SHANK1: variants seen among roughly 807,000 people sequenced by gnomAD.
SHANK1 encodes SH3 and multiple ankyrin repeat domains protein 1.
Under a neutral mutation model 165.6 loss-of-function variants are expected in SHANK1, and 35 were observed. The observed-to-expected ratio is 0.21, with a 90% CI of 0.16 to 0.28. The LOEUF is 0.28. SHANK1 is among the 10% of genes least tolerant of loss of function. The probability of loss-of-function intolerance (pLI) is 1.00; values close to 1 mark genes in which losing one functional copy is unlikely to be tolerated. For synonymous variants in SHANK1, 1,428 were observed against 1,384.8 expected (o/e 1.03, Z -0.69); for missense variants, 2,681 against 3,036.4 (o/e 0.88, Z 2.75).
Position 50,666,831 on chromosome 19 carries a change from C to A in SHANK1, c.5129G>T (p.Gly1710Val), listed in dbSNP as rs757401476. 1.3e-6 allele frequency: 2 copies of A among 1,551,516 alleles called. No individual in the cohort carries two copies. Among genetic ancestry groups the A allele is most frequent in the South Asian group, 1.2e-5 (1 of 84,186 alleles). Residue 1710 changes from glycine (G) to valine (V), a missense_variant, in exon 23 of 24, where the codon GGT becomes GTT. By Grantham distance (109) the Gly-to-Val change is moderately radical. Coordinates refer to ENST00000293441, the MANE Select transcript of SHANK1 (RefSeq NM_016148.5). ...LSAEGGGSAGGGGGAGAGVAS... is the reference protein window; with the variant it reads ...LSAEGGGSAGVGGGAGAGVAS... ...CACACCGGCCCCAGCCCCGCCCCCACCCCCTGCGCTGCCACCACCTTCGGC... is the reference window on the plus strand; with the variant it reads ...CACACCGGCCCCAGCCCCGCCCCCAACCCCTGCGCTGCCACCACCTTCGGC...
At position 50,696,983 on chromosome 19, in the gene SHANK1, C is replaced by T. The variant is rs562625993; in HGVS notation, c.1964+113G>A. The T allele has an allele frequency of 3.0e-4, 258 of 871,644 alleles. 1 individual carries two copies. The highest frequency in any genetic ancestry group is 4.0e-4 in the Non-Finnish European group (204 of 516,032). 54.0% of individuals were successfully genotyped at this position (871,644 alleles called of 1,614,324 possible). A position where few individuals can be genotyped will look rare whatever the true frequency, so the allele number is the denominator to read the frequency against. ...TGTCATGCACACCTACAGAGACACACGTTCACACACCAAGAAACCTCAGCT... is the reference window on the plus strand; with the variant it reads ...TGTCATGCACACCTACAGAGACACATGTTCACACACCAAGAAACCTCAGCT... On this transcript the variant is annotated intron_variant, in intron 15 of 23. Transcript: ENST00000293441.
intron 22 of SHANK1, among the ~76,000 whole-genome samples, chr19:50,671,446 G>A (rs1985789624): frequency 6.6e-6 from 1 of 151,452 alleles, no homozygotes; most frequent in African/African-American, 2.4e-5. Flanking sequence ...GCCTCCCAAA[G>A]TGCTGGGATT....
chr19:50,696,327 C>T (rs529281116), intron 15 of SHANK1, among the ~76,000 whole-genome samples: 3 of 152,236 alleles, frequency 2.0e-5, no homozygotes, highest in East Asian at 1.9e-4. Context: ...CAGGCAAACA[C>T]GCACAACGGT....
chr19:50,673,677 A>G (rs1364850228), intron 21 of SHANK1, among the ~76,000 whole-genome samples: 1 of 152,130 alleles, frequency 6.6e-6, no homozygotes, highest in Non-Finnish European at 1.5e-5. Context: ...TCGCACCTAC[A>G]GTGTCTAGGG....
At position 50,668,489 on chromosome 19, in the gene SHANK1, G is replaced by A. The variant is rs751546473; in HGVS notation, c.3471C>T (p.Thr1157=). The change falls in exon 23 of 24, where the codon ACC becomes ACT. Residue 1157 remains threonine, a synonymous_variant. Coordinates refer to ENST00000293441, the MANE Select transcript of SHANK1 (RefSeq NM_016148.5). ...TGGTGGACGGGGCCTTGATGATGAT[G>A]GTGGGGATGGGGATGGAGTTCTTCT... ...PSEKNSIPIP[T]IIIKAPSTSS... 3.0e-6 allele frequency: 4 copies of A among 1,346,666 alleles called. No individual in the cohort carries two copies. The Admixed American group carries it at 1.2e-4, about 42-fold the overall frequency. 83.4% of individuals were successfully genotyped at this position (1,346,666 alleles called of 1,614,324 possible).
Position 50,700,876 on chromosome 19 carries a change from C to T in SHANK1, c.1747+1591G>A, listed in dbSNP as rs551760879. 1.8e-3 allele frequency among the ~76,000 whole-genome samples: 273 copies of T among 152,218 alleles called. 1 individual carries two copies. The highest frequency in any genetic ancestry group is 0.014 in the Middle Eastern group (4 of 294). ...CCCTGAAGGAGCTGCACCTGGCCCC[C>T]ACAGTAGCTCCTGAATTTGATCATT... On this transcript the variant is annotated intron_variant, in intron 12 of 23. Transcript: ENST00000293441.
In SHANK1 at chr19:50,686,206, T is replaced by G; in HGVS notation, c.2577+31A>C. ...GTTGGTGTGTGAACCGCCTCCCCCC[T>G]GGCAGTTCCTCCCCACACCAGGCCG... On this transcript the variant is annotated intron_variant, in intron 21 of 23. Transcript: ENST00000293441. The surrounding 1 kb of genome is among the most constrained non-coding windows in gnomAD (Gnocchi z 5.7). The G allele has an allele frequency of 7.5e-7, 1 of 1,337,364 alleles. No homozygotes were observed. Among genetic ancestry groups the G allele is most frequent in the South Asian group, 1.3e-5 (1 of 75,360 alleles). 82.8% of individuals were successfully genotyped at this position (1,337,364 alleles called of 1,614,324 possible). A position where few individuals can be genotyped will look rare whatever the true frequency, so the allele number is the denominator to read the frequency against.
rs534711442 is a variant in SHANK1, at chr19:50,693,000, C to G, written c.1965-3721G>C. Among the ~76,000 whole-genome samples the G allele has an allele frequency of 2.1e-3, 315 of 151,630 alleles. 2 individuals carry two copies. The highest frequency in any genetic ancestry group is 6.8e-3 in the Middle Eastern group (2 of 294). On this transcript the variant is annotated intron_variant, in intron 15 of 23. Transcript: ENST00000293441. Reference sequence around the variant, plus strand: ...TCACCCTTCCCACACCCTCCTGCACCTCCGTAAGTAATCTCACTGGCTCCC... The same window carrying G: ...TCACCCTTCCCACACCCTCCTGCACGTCCGTAAGTAATCTCACTGGCTCCC...
chr19:50,666,831 C>T lies in SHANK1; in HGVS notation c.5129G>A (p.Gly1710Asp), dbSNP rs757401476. ...LSAEGGGSAG[G>D]GGGAGAGVAS... is the part of the protein sequence containing the mutation. Reference sequence around the variant, plus strand: ...CACACCGGCCCCAGCCCCGCCCCCACCCCCTGCGCTGCCACCACCTTCGGC... The same window carrying T: ...CACACCGGCCCCAGCCCCGCCCCCATCCCCTGCGCTGCCACCACCTTCGGC... The change falls in exon 23 of 24, where the codon GGT becomes GAT. Residue 1710 changes from glycine to aspartate, a missense_variant. Gly to Asp is a moderately conservative substitution (Grantham distance 94, BLOSUM62 -1). Transcript: ENST00000293441. The T allele has an allele frequency of 4.5e-6, 7 of 1,551,516 alleles. No homozygotes were observed. In the East Asian group the frequency reaches 1.7e-4, roughly 38 times the overall value.
intron 23 of SHANK1, among the ~76,000 whole-genome samples, chr19:50,664,308 T>C (rs961820806): frequency 6.6e-6 from 1 of 152,144 alleles, no homozygotes; most frequent in African/African-American, 2.4e-5. Context: ...GAAGCAGAAA[T>C]GTAACTCTAC....
chr19:50,673,607 T>C (rs1348251887), intron 21 of SHANK1, among the ~76,000 whole-genome samples: 1 of 152,162 alleles, frequency 6.6e-6, no homozygotes, highest in Non-Finnish European at 1.5e-5. Flanking sequence ...GTTTACTTGC[T>C]GTCTGTTTCC....
At chr19:50,704,358 C>A in intron 9 of SHANK1, 79 bp downstream of exon 9, 1 of 1,410,460 alleles carries the variant, frequency 7.1e-7, no homozygotes. Context: ...CCTCATTGTC[C>A]CCTTCCTTAT....
chr19:50,719,036 G>A (rs573489250), intron 1 of SHANK1, among the ~76,000 whole-genome samples: 3,174 of 151,666 alleles, frequency 0.021, 54 homozygotes, highest in Admixed American at 0.031. Flanking sequence ...GGGTGACCTG[G>A]CGGAGGGGCC....
chr19:50,663,445 C>G (rs1985350008), intron 23 of SHANK1, among the ~76,000 whole-genome samples: 1 of 152,208 alleles, frequency 6.6e-6, no homozygotes. Context: ...TGGGCAGCTG[C>G]TCCCTCTCCA....
At chr19:50,700,502 A>G (rs1986886080) in intron 12 of SHANK1, among the ~76,000 whole-genome samples, 1 of 151,914 alleles carries the variant, frequency 6.6e-6, no homozygotes, top group African/African-American at 2.4e-5. Context: ...GTCGCATGAG[A>G]TGAGGTTGAC....
intron 15 of SHANK1, among the ~76,000 whole-genome samples, chr19:50,693,450 G>C (rs1209049254): frequency 6.6e-6 from 1 of 151,490 alleles, no homozygotes; most frequent in Non-Finnish European, 1.5e-5. Flanking sequence ...TGCCCTGCAG[G>C]AGCCCACACA....
At chr19:50,695,155 C>T (rs1487744454) in intron 15 of SHANK1, among the ~76,000 whole-genome samples, 2 of 146,378 alleles carry the variant, frequency 1.4e-5, no homozygotes, top group Non-Finnish European at 3.0e-5. Context: ...GCCCCCAGGC[C>T]CCGCCTCATG....
Position 50,659,697 on chromosome 19 carries a change from T to C in SHANK1, c.*2268A>G, listed in dbSNP as rs1174627424. ...TCTTCTTTTGTTATTGTTCCTCTTTTTGCTTTTTCTCTCCTCTCCACCCCG... is the reference window on the plus strand; with the variant it reads ...TCTTCTTTTGTTATTGTTCCTCTTTCTGCTTTTTCTCTCCTCTCCACCCCG... On this transcript the variant is annotated 3_prime_UTR_variant, in exon 24 of 24. Coordinates refer to ENST00000293441, the MANE Select transcript of SHANK1 (RefSeq NM_016148.5). Among the ~76,000 whole-genome samples the C allele has an allele frequency of 3.3e-5, 5 of 151,026 alleles. No individual in the cohort carries two copies. The highest frequency in any genetic ancestry group is 7.4e-5 in the Non-Finnish European group (5 of 67,746).
In SHANK1 at chr19:50,716,041, G is replaced by A. The variant is rs1190954799; in HGVS notation, c.459+234C>T. ...ATCCTCCCCCAATTTGATGGGTGAG[G>A]AGAAGCTTGGGGCAGGAAAGTGACT... On this transcript the variant is annotated intron_variant, in intron 3 of 23. Transcript: ENST00000293441. The surrounding 1 kb of genome is among the most constrained non-coding windows in gnomAD (Gnocchi z 8.4). Among the ~76,000 whole-genome samples the A allele has an allele frequency of 6.6e-6, 1 of 152,184 alleles. No homozygotes were observed. Among genetic ancestry groups the A allele is most frequent in the Non-Finnish European group, 1.5e-5 (1 of 68,034 alleles).
Sources: gnomAD v4.1 joint callset for allele counts (sites outside exome capture counted in the v4.1 genomes callset) on GRCh38, gnomAD v4.1.1 for gene constraint, Gnocchi (gnomAD v3.1) non-coding constraint, MANE v1.5 for transcripts, NCBI Gene and HGNC (gene_info 2026-07-23, HGNC 2026-07-21) for gene names.